TKT: variants seen among roughly 807,000 people sequenced by gnomAD.
The protein encoded by TKT is epididymis luminal protein 107.
In TKT, 47 loss-of-function variants were observed where a neutral mutation model predicts 63.9. That is an observed-to-expected ratio of 0.74 (90% CI 0.58 to 0.94). TKT has a LOEUF of 0.94. TKT is among the 40% of genes least tolerant of loss of function. TKT has a pLI of 0.00. For missense variants in TKT, 721 were observed against 846.2 expected (o/e 0.85, Z 1.84); for synonymous variants, 338 against 334.1 (o/e 1.01, Z -0.13).
In TKT at chr3:53,228,335, GGCTGGTCCGGATGAA is replaced by G; in HGVS notation, c.1405_1419del (p.Phe469_Ser473del). On this transcript the variant is annotated inframe_deletion, in exon 11 of 14. Coordinates refer to ENST00000462138, the MANE Select transcript of TKT (RefSeq NM_001064.4). ...TTATAGATGATGGCATTTTCTGGGC[GGCTGGTCCGGATGAA>G]GCAGATACCCTGAGACCGAAACAGA... is the stretch of plus-strand genomic sequence containing the variant. 2 of 1,614,118 alleles carry G rather than the reference GGCTGGTCCGGATGAA, an allele frequency of 1.2e-6. No homozygotes were observed. The highest frequency in any genetic ancestry group is 1.7e-6 in the Non-Finnish European group (2 of 1,180,020).
intron 5 of TKT, 38 bp from the exon 6 acceptor site, chr3:53,233,312 G>A (rs782810995): frequency 1.3e-6 from 2 of 1,546,450 alleles, no homozygotes; most frequent in South Asian, 1.2e-5. Flanking sequence ...GCAATTCCCA[G>A]GGGCCACAAC....
chr3:53,246,077 G>A (rs1266778622), intron 1 of TKT, among the ~76,000 whole-genome samples: 1 of 152,042 alleles, frequency 6.6e-6, no homozygotes, highest in African/African-American at 2.4e-5. Context: ...AGACCAACCT[G>A]GCCAACATGG....
intron 1 of TKT, among the ~76,000 whole-genome samples, chr3:53,248,594 A>G (rs1051598163): frequency 2.0e-5 from 3 of 151,896 alleles, no homozygotes; most frequent in Non-Finnish European, 4.4e-5. Context: ...GTGCCATTGC[A>G]CTCCAGCTTC....
intron 1 of TKT, among the ~76,000 whole-genome samples, chr3:53,255,175 G>A (rs542244595): frequency 3.9e-5 from 6 of 152,332 alleles, no homozygotes; most frequent in African/African-American, 1.4e-4. Context: ...GCTGCCTGGC[G>A]TCTCAGCAGC....
At chr3:53,245,473 T>C (rs782583812) in intron 1 of TKT, among the ~76,000 whole-genome samples, 1 of 152,104 alleles carries the variant, frequency 6.6e-6, no homozygotes, top group African/African-American at 2.4e-5. Context: ...ACCCTCCAGA[T>C]GGGCTCCTTC....
chr3:53,250,792 G>C (rs193235775), intron 1 of TKT, among the ~76,000 whole-genome samples: 68 of 152,014 alleles, frequency 4.5e-4, no homozygotes, highest in African/African-American at 1.6e-3. Context: ...GTTTTGTTTT[G>C]TTTTTTTAAG....
At chr3:53,254,423 C>T (rs1705889455) in intron 1 of TKT, among the ~76,000 whole-genome samples, 1 of 152,214 alleles carries the variant, frequency 6.6e-6, no homozygotes, top group Admixed American at 6.5e-5. Context: ...GGGGGAAGGG[C>T]TTTGAAAGAC....
chr3:53,232,714 A>C, intron 6 of TKT: 1 of 398,620 alleles, frequency 2.5e-6, no homozygotes, highest in African/African-American at 2.1e-5. Flanking sequence ...AGCATCTGCC[A>C]TTGCTTGAGG....
At chr3:53,229,498 G>A (rs1704652422) in intron 8 of TKT, 62 bp from the exon 9 acceptor site, 1 of 1,536,470 alleles carries the variant, frequency 6.5e-7, no homozygotes, top group Non-Finnish European at 8.8e-7. Context: ...GGGGAGCCTA[G>A]GACCCCTTTT....
chr3:53,234,877 G>C, intron 5 of TKT, 106 bp downstream of exon 5: 2 of 1,167,162 alleles, frequency 1.7e-6, no homozygotes, highest in Middle Eastern at 2.9e-4. Flanking sequence ...CCTTTAGATG[G>C]TGCTTAAGGT....
chr3:53,243,934 C>T (rs1312457548), intron 1 of TKT, among the ~76,000 whole-genome samples: 3 of 152,212 alleles, frequency 2.0e-5, no homozygotes, highest in Admixed American at 6.5e-5. Flanking sequence ...TGCAGGGCTC[C>T]ACCTGCCCCA....
intron 10 of TKT, 124 bp downstream of exon 10, chr3:53,228,883 G>T: frequency 2.2e-6 from 3 of 1,382,722 alleles, no homozygotes; most frequent in South Asian, 1.4e-5. Context: ...CAAGCTACAC[G>T]AACACCAGGG....
chr3:53,243,355 C>CGCTGCTCCCAGAG (rs1705366940), intron 1 of TKT, among the ~76,000 whole-genome samples: 1 of 151,912 alleles, frequency 6.6e-6, no homozygotes, highest in Non-Finnish European at 1.5e-5. Flanking sequence ...TCAGCCCTCT[C>CGCTGCTCCCAGAG]GCTGCTCCCA....
At chr3:53,230,091 A>G (rs1484648057) in intron 8 of TKT, among the ~76,000 whole-genome samples, 1 of 152,058 alleles carries the variant, frequency 6.6e-6, no homozygotes, top group Non-Finnish European at 1.5e-5. Context: ...TGTGCATTAC[A>G]GGTGCTCTAC....
chr3:53,243,106 A>G (rs1249599352), intron 1 of TKT, among the ~76,000 whole-genome samples: 1 of 152,154 alleles, frequency 6.6e-6, no homozygotes, highest in Non-Finnish European at 1.5e-5. Flanking sequence ...CCTGCCTTCC[A>G]GCCTGGGAGT....
chr3:53,230,637 T>G lies in TKT; in HGVS notation c.943-16A>C, dbSNP rs372856947. 2 of 1,613,376 alleles carry G rather than the reference T, an allele frequency of 1.2e-6. No homozygotes were observed. The highest frequency in any genetic ancestry group is 2.7e-5 in the African/African-American group (2 of 74,808). ...GGGTGGCTATCTGTGAGGAAGAGAGTGGGAAGGCTCTGGACCCCTCTGAGG... is the reference window on the plus strand; with the variant it reads ...GGGTGGCTATCTGTGAGGAAGAGAGGGGGAAGGCTCTGGACCCCTCTGAGG... On this transcript the variant is annotated splice_polypyrimidine_tract_variant and intron_variant, in intron 7 of 13. Coordinates refer to ENST00000462138, the MANE Select transcript of TKT (RefSeq NM_001064.4).
Position 53,228,079 on chromosome 3 carries a change from G to A in TKT, c.1550C>T (p.Ala517Val). Residue 517 changes from alanine to valine, a missense_variant, in exon 12 of 14, where the codon GCC becomes GTC. Ala to Val is a moderately conservative substitution (Grantham distance 64). Transcript: ENST00000462138. ...ACCTTTCTTCAGCAGTTCGGCAGCG[G>A]CCAAGGCCTCGTGCAGGGTCACCCC... ...GAGVTLHEAL[A>V]AAELLKKEKI... The A allele has an allele frequency of 3.7e-6, 6 of 1,613,052 alleles. No homozygotes were observed. The highest frequency in any genetic ancestry group is 5.1e-6 in the Non-Finnish European group (6 of 1,179,996).
chr3:53,244,885 CAAAA>C (rs11297416), intron 1 of TKT, among the ~76,000 whole-genome samples: 2 of 117,382 alleles, frequency 1.7e-5, no homozygotes. Flanking sequence ...CTTGACTGTT[CAAAA>C]AAAAAAAAAA....
chr3:53,242,638 A>G (rs1404333684), intron 1 of TKT, among the ~76,000 whole-genome samples: 1 of 152,148 alleles, frequency 6.6e-6, no homozygotes, highest in African/African-American at 2.4e-5. Flanking sequence ...CCCAGTTCCC[A>G]CCTAGTGGCC....
Sources: gnomAD v4.1 joint callset for allele counts (sites outside exome capture counted in the v4.1 genomes callset) on GRCh38, gnomAD v4.1.1 for gene constraint, MANE v1.5 for transcripts, NCBI Gene and HGNC (gene_info 2026-07-23, HGNC 2026-07-21) for gene names.